Variants in MGAT4C observed in about 807,000 individuals in gnomAD.
MGAT4C encodes alpha-1,3-mannosyl-glycoprotein 4-beta-N-acetylglucosaminyltransferase C.
Under a neutral mutation model 40.1 loss-of-function variants are expected in MGAT4C, and 19 were observed. The ratio of observed to expected loss-of-function variants is 0.47; its 90% CI spans 0.33 to 0.70. MGAT4C has a LOEUF of 0.70. Among genes scored for constraint, MGAT4C ranks in the 30% least tolerant of loss-of-function variants. The pLI is 0.02. For missense variants in MGAT4C, 491 were observed against 563.2 expected (o/e 0.87, Z 1.30); for synonymous variants, 181 against 187.1 (o/e 0.97, Z 0.27).
chr12:86,237,088 A>G lies in MGAT4C; in HGVS notation c.-57+19151T>C, dbSNP rs146233414. Among the ~76,000 whole-genome samples the G allele has an allele frequency of 3.2e-3, 483 of 151,448 alleles. 1 individual carries two copies. Among genetic ancestry groups the G allele is most frequent in the African/African-American group, 0.011 (450 of 41,422 alleles). The stretch of plus-strand genomic sequence containing the variant: ...GGTGGGGGAGAGAGAGAGAAGCAAG[A>G]ATGTGGATATACAGTTTAATATAAA... On this transcript the variant is annotated intron_variant, in intron 1 of 4. Transcript: ENST00000611864.
chr12:86,024,902 G>A (rs1304136775), intron 2 of MGAT4C, among the ~76,000 whole-genome samples: 2 of 151,136 alleles, frequency 1.3e-5, no homozygotes, highest in Non-Finnish European at 3.0e-5. Flanking sequence ...TCTAATACCC[G>A]AACTAGTTTT....
intron 1 of MGAT4C, among the ~76,000 whole-genome samples, chr12:86,737,322 G>A (rs1047509546): frequency 6.8e-6 from 1 of 146,136 alleles, no homozygotes; most frequent in Non-Finnish European, 1.5e-5. Context: ...CACCATTGAT[G>A]AGTCTAGCCA....
At chr12:86,495,338 T>C (rs1958218134) in intron 2 of MGAT4C, 1 of 152,140 alleles carries the variant, frequency 6.6e-6, no homozygotes, top group South Asian at 2.1e-4. Context: ...CAAAGAGAGT[T>C]TGACATTGTC....
chr12:86,691,080 T>C (rs1191173019), intron 2 of MGAT4C, among the ~76,000 whole-genome samples: 1 of 152,212 alleles, frequency 6.6e-6, no homozygotes, highest in Non-Finnish European at 1.5e-5. Flanking sequence ...ACACCTAAAC[T>C]TTTGAGGCTT....
chr12:86,520,937 T>C (rs1958783609), intron 2 of MGAT4C, among the ~76,000 whole-genome samples: 1 of 152,148 alleles, frequency 6.6e-6, no homozygotes. Flanking sequence ...TTATCGAAAT[T>C]TGTTTAAGTT....
chr12:86,282,883 G>A (rs916018016), intron 4 of MGAT4C, among the ~76,000 whole-genome samples: 7 of 151,862 alleles, frequency 4.6e-5, no homozygotes, highest in Admixed American at 6.6e-5. Flanking sequence ...TAAATGATTC[G>A]GGTGTTTAGC....
chr12:86,195,487 T>G (rs1242650938), intron 1 of MGAT4C, among the ~76,000 whole-genome samples: 2 of 152,144 alleles, frequency 1.3e-5, no homozygotes, highest in African/African-American at 4.8e-5. Flanking sequence ...GGATACAAGC[T>G]TTCAATTCTT....
intron 2 of MGAT4C, among the ~76,000 whole-genome samples, chr12:86,648,163 T>C (rs117721765): frequency 0.012 from 1,788 of 152,060 alleles, 22 homozygotes; most frequent in Admixed American, 0.022. Context: ...ATTTGTATTA[T>C]ATTAAAAGAT....
At chr12:86,507,632 T>C (rs746860886) in intron 2 of MGAT4C, among the ~76,000 whole-genome samples, 1 of 152,134 alleles carries the variant, frequency 6.6e-6, no homozygotes, top group Non-Finnish European at 1.5e-5. Context: ...GAAGAAAGCA[T>C]TGGTGAGCAA....
intron 4 of MGAT4C, among the ~76,000 whole-genome samples, chr12:86,307,905 G>A (rs1443012822): frequency 2.7e-5 from 4 of 150,026 alleles, no homozygotes; most frequent in African/African-American, 7.6e-5. Context: ...GGGTTTCACC[G>A]TGTTAGCCAG....
intron 4 of MGAT4C, among the ~76,000 whole-genome samples, chr12:86,282,381 G>C (rs1953240572): frequency 6.6e-6 from 1 of 151,646 alleles, no homozygotes; most frequent in African/African-American, 2.4e-5. Flanking sequence ...CCTTCTTTTT[G>C]GTTTTGAATA....
At chr12:86,456,689 T>G (rs1452024938) in intron 2 of MGAT4C, among the ~76,000 whole-genome samples, 1 of 152,068 alleles carries the variant, frequency 6.6e-6, no homozygotes, top group Non-Finnish European at 1.5e-5. Context: ...TTTAACCCTT[T>G]TAGCAAAGAA....
chr12:86,628,909 T>C (rs1488736573), intron 2 of MGAT4C, among the ~76,000 whole-genome samples: 3 of 152,116 alleles, frequency 2.0e-5, no homozygotes, highest in Non-Finnish European at 2.9e-5. Context: ...TAACCTTAAA[T>C]GTAAATGGAC....
chr12:86,379,460 A>G lies in MGAT4C; in HGVS notation c.-119-45333T>C, dbSNP rs1955888623. On this transcript the variant is annotated intron_variant, in intron 3 of 7. Transcript: ENST00000548651. Reference sequence around the variant, plus strand: ...TTTGTCTCTGAAAATAGCATCATGCAGTAAAGTTTATATTATTTGCACTAA... The same window carrying G: ...TTTGTCTCTGAAAATAGCATCATGCGGTAAAGTTTATATTATTTGCACTAA... Among the ~76,000 whole-genome samples the G allele has an allele frequency of 2.0e-5, 3 of 152,262 alleles. No homozygotes were observed. The South Asian group carries it at 6.2e-4, about 32-fold the overall frequency.
chr12:86,155,539 C>T (rs1475541131), intron 1 of MGAT4C, among the ~76,000 whole-genome samples: 1 of 152,014 alleles, frequency 6.6e-6, no homozygotes, highest in Non-Finnish European at 1.5e-5. Context: ...CAAAGATGAT[C>T]TTAGATTTGG....
At chr12:86,430,840 C>T (rs1160121893) in intron 3 of MGAT4C, among the ~76,000 whole-genome samples, 1 of 152,126 alleles carries the variant, frequency 6.6e-6, no homozygotes, top group Non-Finnish European at 1.5e-5. Flanking sequence ...ATTTGGGACT[C>T]TTTGGGAGGG....
At chr12:86,766,305 T>C (rs1462353209) in intron 1 of MGAT4C, among the ~76,000 whole-genome samples, 6 of 151,780 alleles carry the variant, frequency 4.0e-5, no homozygotes, top group Middle Eastern at 3.2e-3. Context: ...ATCAATTCAA[T>C]AAGAAGAGCT....
intron 2 of MGAT4C, among the ~76,000 whole-genome samples, chr12:85,990,837 T>C (rs958120929): frequency 1.3e-5 from 2 of 152,226 alleles, no homozygotes; most frequent in South Asian, 4.1e-4. Flanking sequence ...TATGCACACA[T>C]AGATGCACAT....
chr12:86,774,662 A>T (rs1052758110), intron 1 of MGAT4C, among the ~76,000 whole-genome samples: 1 of 152,074 alleles, frequency 6.6e-6, no homozygotes, highest in African/African-American at 2.4e-5. Context: ...TTTAATTCCA[A>T]TTAGCTTTCC....
Sources: gnomAD v4.1 joint callset for allele counts (sites outside exome capture counted in the v4.1 genomes callset) on GRCh38, gnomAD v4.1.1 for gene constraint, MANE v1.5 for transcripts, NCBI Gene and HGNC (gene_info 2026-07-23, HGNC 2026-07-21) for gene names.